The following GPC6 variants were observed in gnomAD, a reference collection of about 807,000 sequenced individuals.
GPC6 encodes glypican 6, also known as glypican-6.
A neutral mutation model predicts 55.2 loss-of-function variants in GPC6; 14 were observed. The ratio of observed to expected loss-of-function variants is 0.25; its 90% CI spans 0.17 to 0.40. The LOEUF (loss-of-function observed/expected upper bound fraction) is 0.40, where lower values mean the gene tolerates loss of function less well. GPC6 is among the 10% of genes least tolerant of loss of function. The pLI is 1.00. For synonymous variants in GPC6, 278 were observed against 259.6 expected, an observed-to-expected ratio of 1.07 and a Z score of -0.68; for missense variants, 641 against 708.5, an observed-to-expected ratio of 0.90 and a Z score of 1.08.
intron 1 of GPC6, among the ~76,000 whole-genome samples, chr13:93,276,083 C>G (rs9523986): frequency 0.37 from 55,875 of 151,936 alleles, 10,474 homozygotes; most frequent in East Asian, 0.63. Context: ...ACCGTGTTAG[C>G]CAGGATGGTT....
intron 3 of GPC6, among the ~76,000 whole-genome samples, chr13:93,989,836 A>C (rs1881213244): frequency 6.6e-6 from 1 of 151,838 alleles, no homozygotes; most frequent in African/African-American, 2.4e-5. Context: ...TGGAATTTGA[A>C]GAATGAAAAT....
At chr13:94,260,137 A>C (rs1312754582) in intron 4 of GPC6, among the ~76,000 whole-genome samples, 1 of 152,202 alleles carries the variant, frequency 6.6e-6, no homozygotes, top group Admixed American at 6.5e-5. Flanking sequence ...TACTGAATAT[A>C]GAGCACATCA....
chr13:94,281,315 A>G (rs1479190188), intron 4 of GPC6, among the ~76,000 whole-genome samples: 1 of 152,106 alleles, frequency 6.6e-6, no homozygotes, highest in Admixed American at 6.6e-5. Flanking sequence ...CTCCACATGC[A>G]TTACGTATTT....
chr13:93,514,362 A>G (rs1274786124), intron 1 of GPC6, among the ~76,000 whole-genome samples: 1 of 152,164 alleles, frequency 6.6e-6, no homozygotes, highest in Non-Finnish European at 1.5e-5. Context: ...ACCTTTTCTC[A>G]TAATATTCTC....
intron 3 of GPC6, among the ~76,000 whole-genome samples, chr13:93,861,484 G>A (rs1888812163): frequency 1.3e-5 from 2 of 151,226 alleles, no homozygotes; most frequent in South Asian, 2.1e-4. Context: ...TTATCCAAAT[G>A]AGAAGACAGC....
At chr13:93,468,403 A>G (rs74793056) in intron 1 of GPC6, among the ~76,000 whole-genome samples, 6,677 of 151,626 alleles carry the variant, frequency 0.044, 482 homozygotes, top group East Asian at 0.29. Flanking sequence ...AAGAGTTCCA[A>G]ATTCATTGTG....
At chr13:93,946,323 G>A (rs1429916268) in intron 3 of GPC6, among the ~76,000 whole-genome samples, 4 of 152,078 alleles carry the variant, frequency 2.6e-5, no homozygotes, top group African/African-American at 7.2e-5. Context: ...GTAGACATGA[G>A]GTCTTGCTAT....
chr13:93,439,529 G>A (rs1157426342), intron 1 of GPC6, among the ~76,000 whole-genome samples: 1 of 152,040 alleles, frequency 6.6e-6, no homozygotes, highest in Non-Finnish European at 1.5e-5. Flanking sequence ...CGAACTGTGA[G>A]TCAATTAATC....
chr13:93,883,788 T>C (rs1313441807), intron 3 of GPC6, among the ~76,000 whole-genome samples: 2 of 152,168 alleles, frequency 1.3e-5, no homozygotes, highest in Non-Finnish European at 2.9e-5. Context: ...TTCATTGTTT[T>C]GTAAATAATA....
chr13:94,205,704 G>A (rs1316376373), intron 4 of GPC6, among the ~76,000 whole-genome samples: 1 of 152,186 alleles, frequency 6.6e-6, no homozygotes, highest in Non-Finnish European at 1.5e-5. Flanking sequence ...TTGCCATTTA[G>A]CTCTCCATGC....
chr13:93,462,666 A>C (rs1878738594), intron 1 of GPC6, among the ~76,000 whole-genome samples: 1 of 152,056 alleles, frequency 6.6e-6, no homozygotes. Context: ...GGAATAAAAA[A>C]GAAATGCCAA....
chr13:93,577,708 C>G (rs545136468), intron 2 of GPC6, among the ~76,000 whole-genome samples: 44 of 152,062 alleles, frequency 2.9e-4, no homozygotes, highest in African/African-American at 9.9e-4. Context: ...TTATTTCTTT[C>G]TCTTGCCTAA....
chr13:93,927,112 A>G (rs992255512), intron 3 of GPC6, among the ~76,000 whole-genome samples: 1 of 152,216 alleles, frequency 6.6e-6, no homozygotes, highest in African/African-American at 2.4e-5. Context: ...AATGTTTCTA[A>G]AGTACATGAG....
At chr13:93,480,253 T>C (rs1256581750) in intron 1 of GPC6, among the ~76,000 whole-genome samples, 1 of 152,200 alleles carries the variant, frequency 6.6e-6, no homozygotes, top group Non-Finnish European at 1.5e-5. Flanking sequence ...TCTCAATGCA[T>C]TGTAGAAAAT....
intron 1 of GPC6, among the ~76,000 whole-genome samples, chr13:93,317,597 A>G (rs1486543277): frequency 1.3e-5 from 2 of 152,106 alleles, no homozygotes; most frequent in Non-Finnish European, 2.9e-5. Context: ...GATTACTGAA[A>G]GCTTTTAGTC....
chr13:94,044,057 A>G (rs1883635995), intron 4 of GPC6, among the ~76,000 whole-genome samples: 1 of 151,706 alleles, frequency 6.6e-6, no homozygotes, highest in Admixed American at 6.6e-5. Flanking sequence ...CTAAGTCTCA[A>G]AACTATACAA....
At chr13:94,180,839 A>G (rs1888966048) in intron 4 of GPC6, among the ~76,000 whole-genome samples, 2 of 152,116 alleles carry the variant, frequency 1.3e-5, no homozygotes, top group South Asian at 4.1e-4. Flanking sequence ...TCAAGGTAAC[A>G]GGTTTCCTGT....
At chr13:93,754,019 T>C (rs1884685015) in intron 2 of GPC6, among the ~76,000 whole-genome samples, 1 of 152,158 alleles carries the variant, frequency 6.6e-6, no homozygotes, top group South Asian at 2.1e-4. Context: ...GAGTATGTGA[T>C]AGAAGGAGCA....
At chr13:94,318,811 A>G (rs1295098902) in intron 6 of GPC6, among the ~76,000 whole-genome samples, 3 of 152,172 alleles carry the variant, frequency 2.0e-5, no homozygotes, top group Non-Finnish European at 4.4e-5. Context: ...TTTCTTGTGA[A>G]TTGAGCTTTA....
Sources: gnomAD v4.1 joint callset for allele counts (sites outside exome capture counted in the v4.1 genomes callset) on GRCh38, gnomAD v4.1.1 for gene constraint, MANE v1.5 for transcripts, NCBI Gene and HGNC (gene_info 2026-07-23, HGNC 2026-07-21) for gene names.